Variants in CNTNAP2 observed in about 807,000 individuals in gnomAD.
The protein encoded by CNTNAP2 is contactin associated protein 2.
CNTNAP2 carries 98 observed loss-of-function variants against 155.2 expected under a neutral mutation model. The ratio of observed to expected loss-of-function variants is 0.63; its 90% CI spans 0.54 to 0.75. The LOEUF is 0.75. Among genes scored for constraint, CNTNAP2 ranks in the 30% least tolerant of loss-of-function variants. CNTNAP2 has a pLI of 0.00. For synonymous variants in CNTNAP2, 651 were observed against 631.2 expected (o/e 1.03, Z -0.47); for missense variants, 1,727 against 1,688.1 (o/e 1.02, Z -0.40).
chr7:148,285,387 A>G (rs1189650588), intron 21 of CNTNAP2, among the ~76,000 whole-genome samples: 1 of 152,278 alleles, frequency 6.6e-6, no homozygotes, highest in Admixed American at 6.5e-5. Context: ...GGGAGGAATT[A>G]GCATTCAAAA....
intron 21 of CNTNAP2, 63 bp downstream of exon 21, chr7:148,267,189 G>C (rs1796688662): frequency 7.0e-7 from 1 of 1,422,420 alleles, no homozygotes; most frequent in African/African-American, 1.4e-5. Flanking sequence ...ATGTGAGTTT[G>C]GATTTTAAAA....
intron 15 of CNTNAP2, among the ~76,000 whole-genome samples, chr7:148,045,098 T>C (rs191202594): frequency 6.6e-6 from 1 of 152,136 alleles, no homozygotes; most frequent in East Asian, 1.9e-4. Flanking sequence ...AAAGAGGAGA[T>C]CATACAGCAA....
intron 1 of CNTNAP2, among the ~76,000 whole-genome samples, chr7:146,477,885 A>T (rs1796903529): frequency 6.6e-6 from 1 of 152,184 alleles, no homozygotes; most frequent in African/African-American, 2.4e-5. Context: ...TGCCCAACTT[A>T]TAGCAGGTGT....
intron 13 of CNTNAP2, among the ~76,000 whole-genome samples, chr7:147,724,905 G>A (rs1796619971): frequency 6.6e-6 from 1 of 151,794 alleles, no homozygotes; most frequent in Non-Finnish European, 1.5e-5. Flanking sequence ...TGACTGGAAT[G>A]AATGACTAAG....
Position 147,937,402 on chromosome 7 carries a change from T to C in CNTNAP2, c.2255+33681T>C, listed in dbSNP as rs111232963. Among the ~76,000 whole-genome samples the C allele has an allele frequency of 5.9e-3, 894 of 152,208 alleles. 6 individuals carry two copies. The highest frequency in any genetic ancestry group is 0.01 in the Middle Eastern group (3 of 294). ...CCATGGTTTGCCCAATACTGGGCAA[T>C]AGGCACTCAGATCCCAGTTAGTGAC... On this transcript the variant is annotated intron_variant, in intron 14 of 23. Coordinates refer to ENST00000361727, the MANE Select transcript of CNTNAP2 (RefSeq NM_014141.6).
At chr7:148,356,040 A>G (rs777363391) in intron 21 of CNTNAP2, among the ~76,000 whole-genome samples, 11 of 152,218 alleles carry the variant, frequency 7.2e-5, no homozygotes, top group Non-Finnish European at 1.0e-4. Context: ...TTATTGTGAA[A>G]AGACAATTCT....
chr7:146,438,702 T>G lies in CNTNAP2; in HGVS notation c.97+321729T>G, dbSNP rs1390860996. 1.3e-5 allele frequency among the ~76,000 whole-genome samples: 2 copies of G among 151,602 alleles called. 1 individual carries two copies. The highest frequency in any genetic ancestry group is 4.9e-5 in the African/African-American group (2 of 40,938). On this transcript the variant is annotated intron_variant, in intron 1 of 23. Transcript: ENST00000361727. ...TTTCCTGGATTTTCTAGAATTCTTT[T>G]ACTCATAATTGAACACCAAAAACTA...
intron 13 of CNTNAP2, among the ~76,000 whole-genome samples, chr7:147,841,282 GAC>G (rs1359066787): frequency 2.6e-5 from 4 of 152,128 alleles, no homozygotes; most frequent in African/African-American, 9.7e-5. Flanking sequence ...CTGAATCTTT[GAC>G]AGTGTTGAGA....
At chr7:146,679,842 T>G (rs1399318378) in intron 1 of CNTNAP2, among the ~76,000 whole-genome samples, 5 of 152,344 alleles carry the variant, frequency 3.3e-5, no homozygotes, top group Admixed American at 1.3e-4. Context: ...ACAGTTTAAA[T>G]CTTTATACTT....
chr7:146,352,748 C>CTTTTTTTTTT (rs1201897985), intron 1 of CNTNAP2, among the ~76,000 whole-genome samples: 86 of 66,140 alleles, frequency 1.3e-3, no homozygotes, highest in African/African-American at 6.8e-3. Flanking sequence ...TAGCATAATT[C>CTTTTTTTTTT]TGTTTTTTTT....
chr7:147,272,268 T>C (rs1804769411), intron 8 of CNTNAP2, among the ~76,000 whole-genome samples: 1 of 152,140 alleles, frequency 6.6e-6, no homozygotes. Context: ...CATCCTCTCT[T>C]CTGACACCTT....
intron 14 of CNTNAP2, among the ~76,000 whole-genome samples, chr7:147,907,805 A>G (rs1013924928): frequency 1.4e-5 from 2 of 144,152 alleles, no homozygotes; most frequent in African/African-American, 4.9e-5. Flanking sequence ...TTATTTTGAC[A>G]CAGAGTCACT....
intron 8 of CNTNAP2, among the ~76,000 whole-genome samples, chr7:147,167,740 G>T (rs1802142987): frequency 1.3e-5 from 2 of 152,130 alleles, no homozygotes; most frequent in African/African-American, 4.8e-5. Flanking sequence ...CGGAGTGAAT[G>T]TGGCAGTTTG....
intron 12 of CNTNAP2, among the ~76,000 whole-genome samples, chr7:147,569,390 C>T (rs1800239704): frequency 6.6e-6 from 1 of 152,064 alleles, no homozygotes; most frequent in African/African-American, 2.4e-5. Flanking sequence ...CAAAGCAAAA[C>T]AGTTTCTATC....
At chr7:147,286,428 A>T (rs1195806625) in intron 8 of CNTNAP2, among the ~76,000 whole-genome samples, 5 of 152,142 alleles carry the variant, frequency 3.3e-5, no homozygotes, top group African/African-American at 9.6e-5. Context: ...TTAAAAAATT[A>T]ACTTGGATAT....
At chr7:146,963,881 G>A (rs1240026938) in intron 3 of CNTNAP2, among the ~76,000 whole-genome samples, 1 of 152,094 alleles carries the variant, frequency 6.6e-6, no homozygotes, top group African/African-American at 2.4e-5. Flanking sequence ...GAAACAGTCT[G>A]AAAGCTCATC....
chr7:147,945,793 C>T (rs1414542245), intron 14 of CNTNAP2, among the ~76,000 whole-genome samples: 1 of 151,070 alleles, frequency 6.6e-6, no homozygotes, highest in African/African-American at 2.4e-5. Context: ...ACCTAGGTGC[C>T]TTGGTTGCAC....
chr7:148,307,716 C>T (rs1377046414), intron 21 of CNTNAP2, among the ~76,000 whole-genome samples: 1 of 152,030 alleles, frequency 6.6e-6, no homozygotes, highest in Non-Finnish European at 1.5e-5. Context: ...GCCGGTAATC[C>T]CAGCAATTTG....
chr7:148,256,612 C>G (rs1226296129), intron 20 of CNTNAP2, among the ~76,000 whole-genome samples: 1 of 152,104 alleles, frequency 6.6e-6, no homozygotes, highest in Non-Finnish European at 1.5e-5. Flanking sequence ...TGAAACCAGC[C>G]ACTTTTCTCT....
Sources: allele counts gnomAD v4.1 joint callset (sites outside exome capture counted in the v4.1 genomes callset), GRCh38; gene constraint gnomAD v4.1.1; transcripts MANE v1.5; gene names NCBI Gene and HGNC (gene_info 2026-07-23, HGNC 2026-07-21).